Variants in TDRD9 observed in about 807,000 individuals in gnomAD.
TDRD9 encodes tudor domain containing 9.
TDRD9 carries 124 observed loss-of-function variants against 172.6 expected under a neutral mutation model. The observed-to-expected ratio is 0.72, with a 90% confidence interval of 0.62 to 0.83. The LOEUF (loss-of-function observed/expected upper bound fraction) is 0.83, where lower values mean the gene tolerates loss of function less well. TDRD9 is among the 40% of genes least tolerant of loss of function. The pLI is 0.00. For missense variants in TDRD9, 1,479 were observed against 1,714.1 expected, an observed-to-expected ratio of 0.86 and a Z score of 2.42; for synonymous variants, 619 against 617.1, an observed-to-expected ratio of 1.00 and a Z score of -0.05.
chr14:103,948,736 T>G (rs1219784172), intron 1 of TDRD9, among the ~76,000 whole-genome samples: 1 of 152,038 alleles, frequency 6.6e-6, no homozygotes, highest in African/African-American at 2.4e-5. Flanking sequence ...CCAGGCACTA[T>G]GGAGTGTGCC....
chr14:103,978,725 A>G (rs2033354525), intron 7 of TDRD9, among the ~76,000 whole-genome samples: 2 of 152,154 alleles, frequency 1.3e-5, no homozygotes, highest in Non-Finnish European at 2.9e-5. Flanking sequence ...TTTGTCACAT[A>G]TCAAGGGTAT....
chr14:103,959,862 C>G (rs1258417627), intron 2 of TDRD9, among the ~76,000 whole-genome samples: 1 of 152,140 alleles, frequency 6.6e-6, no homozygotes, highest in Non-Finnish European at 1.5e-5. Flanking sequence ...AGGTTGTCGA[C>G]TCCTGAAGGG....
chr14:103,946,749 C>T (rs889535101), intron 1 of TDRD9, among the ~76,000 whole-genome samples: 3 of 152,160 alleles, frequency 2.0e-5, no homozygotes, highest in African/African-American at 7.2e-5. Flanking sequence ...TTTCTATACC[C>T]TAACAATGAA....
Position 103,995,700 on chromosome 14 carries a change from A to G in TDRD9, c.1321-50A>G, listed in dbSNP as rs753077950. On this transcript the variant is annotated intron_variant, in intron 11 of 35. Transcript: ENST00000409874. ...GCATTTTTGTAAACTTTGCCTAATGATGTTCGGAATATAGTAGGAATGTCA... is the reference window on the plus strand; with the variant it reads ...GCATTTTTGTAAACTTTGCCTAATGGTGTTCGGAATATAGTAGGAATGTCA... The G allele has an allele frequency of 3.3e-6, 5 of 1,493,526 alleles. No individual in the cohort carries two copies. In the African/African-American group the frequency reaches 7.0e-5, roughly 21 times the overall value. The allele number at this position is 1,493,526 out of a possible 1,614,324, so 92.5% of individuals were successfully genotyped here. A position where few individuals can be genotyped will look rare whatever the true frequency, so the allele number is the denominator to read the frequency against.
At chr14:104,046,773 G>A (rs2035791783) in intron 34 of TDRD9, among the ~76,000 whole-genome samples, 1 of 151,992 alleles carries the variant, frequency 6.6e-6, no homozygotes, top group Non-Finnish European at 1.5e-5. Flanking sequence ...AGCCTCCTGA[G>A]TAGCTGGGAC....
intron 20 of TDRD9, among the ~76,000 whole-genome samples, chr14:104,009,841 TAGA>T (rs1384077011): frequency 1.3e-5 from 2 of 152,076 alleles, no homozygotes; most frequent in Non-Finnish European, 2.9e-5. Flanking sequence ...TCACAGCTCA[TAGA>T]AGCCTTGACT....
At chr14:104,014,248 AAAG>A (rs1294652039) in intron 20 of TDRD9, among the ~76,000 whole-genome samples, 112 of 70,984 alleles carry the variant, frequency 1.6e-3, no homozygotes, top group East Asian at 7.4e-3. Flanking sequence ...AAAAAAAAAA[AAAG>A]ATAATAATAA....
At chr14:104,022,047 TG>T (rs1162447208) in intron 23 of TDRD9, 109 bp from the exon 24 acceptor site, 5 of 769,014 alleles carry the variant, frequency 6.5e-6, no homozygotes, top group African/African-American at 5.3e-5. Context: ...GAAGAGTTAC[TG>T]GCATTTTGAG....
chr14:103,965,531 C>T lies in TDRD9; in HGVS notation c.619C>T (p.Leu207=). The T allele has an allele frequency of 6.8e-7, 1 of 1,463,082 alleles. No individual in the cohort carries two copies. Among genetic ancestry groups the T allele is most frequent in the South Asian group, 1.2e-5 (1 of 83,032 alleles). The allele number at this position is 1,463,082 out of a possible 1,614,324, so 90.6% of individuals were successfully genotyped here. A position where few individuals can be genotyped will look rare whatever the true frequency, so the allele number is the denominator to read the frequency against. ...RWISKERAWT[L]GGVVGYQVGL... is the part of the protein sequence containing the mutation. ...GATCAGTAAAGAGCGTGCCTGGACC[C>T]TGGGAGGTGTGGTGGGCTACCAGGT... The change falls in exon 4 of 36, where the codon CTG becomes TTG. Residue 207 remains leucine (L), a synonymous_variant. Coordinates refer to ENST00000409874, the MANE Select transcript of TDRD9 (RefSeq NM_153046.3).
At chr14:104,001,593 G>A (rs1306676147) in intron 13 of TDRD9, among the ~76,000 whole-genome samples, 2 of 152,038 alleles carry the variant, frequency 1.3e-5, no homozygotes, top group African/African-American at 4.8e-5. Flanking sequence ...TGGGTCATGT[G>A]GTAAATCTAT....
At chr14:104,009,659 A>T (rs2034549151) in intron 20 of TDRD9, among the ~76,000 whole-genome samples, 1 of 152,226 alleles carries the variant, frequency 6.6e-6, no homozygotes. Flanking sequence ...TAATTAAAAA[A>T]AATTTTTGGC....
Position 104,035,063 on chromosome 14 carries a change from G to A in TDRD9, c.3716+7G>A. The A allele has an allele frequency of 1.3e-6, 2 of 1,549,072 alleles. No individual in the cohort carries two copies. On this transcript the variant is annotated splice_region_variant and intron_variant, in intron 32 of 35. Transcript: ENST00000409874. ...CACCGGTGATAGAGTTAAGGTACGG[G>A]CATCCCTCTTGTCTATAGGCTTTGT...
chr14:104,022,449 T>A, intron 24 of TDRD9, 119 bp downstream of exon 24: 5 of 1,095,778 alleles, frequency 4.6e-6, no homozygotes, highest in Non-Finnish European at 6.5e-6. Flanking sequence ...CTGGCTTGGC[T>A]GGGTGTGGGG....
chr14:104,041,472 A>G (rs1407519319), intron 33 of TDRD9, among the ~76,000 whole-genome samples: 3 of 152,260 alleles, frequency 2.0e-5, no homozygotes, highest in African/African-American at 7.2e-5. Flanking sequence ...GTTACAGGTT[A>G]CATATCTGAT....
intron 1 of TDRD9, among the ~76,000 whole-genome samples, chr14:103,951,842 C>G (rs1296552685): frequency 1.3e-5 from 2 of 151,740 alleles, no homozygotes; most frequent in Non-Finnish European, 2.9e-5. Flanking sequence ...TCTCGGCTCA[C>G]TGCAAGCTCC....
At chr14:104,006,602 A>G in intron 16 of TDRD9, 44 bp from the exon 17 acceptor site, 1 of 1,611,774 alleles carries the variant, frequency 6.2e-7, no homozygotes, top group Non-Finnish European at 8.5e-7. Flanking sequence ...ATATAACACC[A>G]CTCTCACAAT....
At chr14:104,041,269 A>G (rs1378223457) in intron 33 of TDRD9, among the ~76,000 whole-genome samples, 2 of 152,232 alleles carry the variant, frequency 1.3e-5, no homozygotes, top group African/African-American at 4.8e-5. Flanking sequence ...ATGTAAAACT[A>G]TTAAAGTGCT....
chr14:103,998,395 G>A (rs1464935252), intron 12 of TDRD9, among the ~76,000 whole-genome samples: 2 of 152,016 alleles, frequency 1.3e-5, no homozygotes, highest in African/African-American at 4.8e-5. Context: ...TGGGTCTTAC[G>A]GGTTATGCAT....
intron 6 of TDRD9, among the ~76,000 whole-genome samples, chr14:103,972,853 C>G (rs75241472): frequency 0.023 from 3,523 of 152,266 alleles, 77 homozygotes; most frequent in East Asian, 0.07. Context: ...TGTCTTATTG[C>G]TTGAGGTGAC....
Sources: allele counts gnomAD v4.1 joint callset (sites outside exome capture counted in the v4.1 genomes callset), GRCh38; gene constraint gnomAD v4.1.1; transcripts MANE v1.5; gene names NCBI Gene and HGNC (gene_info 2026-07-23, HGNC 2026-07-21).